The following CCSER1 variants were observed in gnomAD, a reference collection of about 807,000 sequenced individuals.
CCSER1 encodes coiled-coil serine rich protein 1.
A neutral mutation model predicts 82.0 loss-of-function variants in CCSER1; 41 were observed. That is an observed-to-expected ratio of 0.50 (90% CI 0.39 to 0.65). The LOEUF (loss-of-function observed/expected upper bound fraction) is 0.65. CCSER1 is among the 30% of genes least tolerant of loss of function. The probability of loss-of-function intolerance (pLI) is 0.00; values close to 1 mark genes in which losing one functional copy is unlikely to be tolerated. For synonymous variants in CCSER1, 414 were observed against 383.9 expected (o/e 1.08, Z -0.92); for missense variants, 1,119 against 1,064.2 (o/e 1.05, Z -0.72).
chr4:90,755,188 T>C (rs181012637), intron 7 of CCSER1, among the ~76,000 whole-genome samples: 2 of 152,296 alleles, frequency 1.3e-5, no homozygotes, highest in Non-Finnish European at 2.9e-5. Context: ...ATTGGATACT[T>C]TGCTACTCCA....
chr4:90,728,486 C>G (rs1744092814), intron 7 of CCSER1, among the ~76,000 whole-genome samples: 1 of 152,146 alleles, frequency 6.6e-6, no homozygotes, highest in African/African-American at 2.4e-5. Context: ...CACAGAGCCA[C>G]TTTGCTTAAG....
intron 7 of CCSER1, among the ~76,000 whole-genome samples, chr4:90,779,040 C>T (rs1048436973): frequency 2.0e-5 from 3 of 152,166 alleles, no homozygotes; most frequent in African/African-American, 4.8e-5. Flanking sequence ...GTCTTATTTC[C>T]CTCAATGGAT....
intron 9 of CCSER1, among the ~76,000 whole-genome samples, chr4:91,046,937 C>T (rs1561499883): frequency 2.6e-5 from 4 of 151,892 alleles, no homozygotes; most frequent in South Asian, 2.1e-4. Context: ...AAGATGGTCT[C>T]GATCTCCTGA....
chr4:91,491,531 T>C (rs1758541644), intron 10 of CCSER1, among the ~76,000 whole-genome samples: 1 of 152,142 alleles, frequency 6.6e-6, no homozygotes, highest in Non-Finnish European at 1.5e-5. Flanking sequence ...ATTGCAGGAA[T>C]ATATGCTCAA....
At chr4:90,190,796 G>A (rs780331753) in intron 1 of CCSER1, among the ~76,000 whole-genome samples, 5 of 152,168 alleles carry the variant, frequency 3.3e-5, no homozygotes, top group Middle Eastern at 3.4e-3. Flanking sequence ...GATGCTAGGT[G>A]CAGCTGTTAA....
intron 10 of CCSER1, among the ~76,000 whole-genome samples, chr4:91,107,818 C>T (rs3944131): frequency 0.34 from 51,898 of 151,426 alleles, 9,183 homozygotes; most frequent in East Asian, 0.45. Flanking sequence ...TCAGTAATAG[C>T]CCTTCTAGAA....
At chr4:91,026,325 T>C (rs1740487693) in intron 9 of CCSER1, among the ~76,000 whole-genome samples, 1 of 152,116 alleles carries the variant, frequency 6.6e-6, no homozygotes, top group Admixed American at 6.6e-5. Flanking sequence ...TTATGGTTTC[T>C]CCTCACTGAA....
chr4:90,155,014 G>A (rs1578220601), intron 1 of CCSER1, among the ~76,000 whole-genome samples: 1 of 152,192 alleles, frequency 6.6e-6, no homozygotes. Context: ...TTGGCTGTGG[G>A]TTTGTCATAG....
At chr4:91,555,510 G>A (rs1446469519) in intron 10 of CCSER1, among the ~76,000 whole-genome samples, 1 of 150,746 alleles carries the variant, frequency 6.6e-6, no homozygotes, top group Non-Finnish European at 1.5e-5. Context: ...ATTAATTATG[G>A]TCTTATATAC....
intron 10 of CCSER1, among the ~76,000 whole-genome samples, chr4:91,267,874 G>T (rs541639371): frequency 1.3e-5 from 2 of 152,146 alleles, no homozygotes. Context: ...AGAGGAATTT[G>T]TGTTTTTCTT....
chr4:91,116,563 A>C (rs765753712), intron 10 of CCSER1, among the ~76,000 whole-genome samples: 1 of 152,246 alleles, frequency 6.6e-6, no homozygotes, highest in East Asian at 1.9e-4. Flanking sequence ...TCATAGAGTT[A>C]TTATGAGAAT....
intron 1 of CCSER1, among the ~76,000 whole-genome samples, chr4:90,135,339 C>A (rs373863729): frequency 8.5e-5 from 13 of 152,084 alleles, no homozygotes; most frequent in East Asian, 5.8e-4. Flanking sequence ...CAAGACCCCC[C>A]CTTTGAAAAA....
intron 3 of CCSER1, chr4:90,370,368 A>G (rs1226588392): frequency 2.0e-5 from 3 of 152,082 alleles, no homozygotes; most frequent in Non-Finnish European, 4.4e-5. Context: ...CATAAAAAGT[A>G]TGCTGATTTT....
chr4:90,812,402 T>C (rs1312718170), intron 7 of CCSER1, among the ~76,000 whole-genome samples: 5 of 151,862 alleles, frequency 3.3e-5, no homozygotes, highest in African/African-American at 1.2e-4. Flanking sequence ...CAGCATAGAG[T>C]AGTAGAGGCC....
At chr4:90,558,481 G>T (rs564189132) in intron 5 of CCSER1, among the ~76,000 whole-genome samples, 1 of 151,922 alleles carries the variant, frequency 6.6e-6, no homozygotes, top group South Asian at 2.1e-4. Context: ...AACCTATATT[G>T]GTTCATTGGT....
chr4:90,840,371 A>G (rs1387999665), intron 8 of CCSER1, among the ~76,000 whole-genome samples: 2 of 152,182 alleles, frequency 1.3e-5, no homozygotes, highest in African/African-American at 4.8e-5. Flanking sequence ...TGTAATCTTC[A>G]TTTTAGAGAA....
Position 90,673,541 on chromosome 4 carries a change from C to T in CCSER1, c.1932+45309C>T, listed in dbSNP as rs1270719708. ...ACAATAAAATAACTCCTGCCAGTCACAATGAAGGGCAGAAAATACTGTGCC... is the reference window on the plus strand; with the variant it reads ...ACAATAAAATAACTCCTGCCAGTCATAATGAAGGGCAGAAAATACTGTGCC... On this transcript the variant is annotated intron_variant, in intron 6 of 10. Coordinates refer to ENST00000509176, the MANE Select transcript of CCSER1 (RefSeq NM_001145065.2). Among the ~76,000 whole-genome samples, 3 of 151,984 alleles carry T rather than the reference C, an allele frequency of 2.0e-5. No individual in the cohort carries two copies. The East Asian group carries it at 5.8e-4, about 29-fold the overall frequency.
intron 10 of CCSER1, among the ~76,000 whole-genome samples, chr4:91,266,531 G>A (rs550925769): frequency 2.0e-5 from 3 of 152,156 alleles, no homozygotes; most frequent in Non-Finnish European, 2.9e-5. Flanking sequence ...GATTACAGAC[G>A]TGAGCCACAG....
rs1209366941 is a variant in CCSER1 at position 90,903,273 on chromosome 4, G to A, written c.2095-20097G>A. Among the ~76,000 whole-genome samples the A allele has an allele frequency of 4.6e-5, 7 of 152,024 alleles. No individual in the cohort carries two copies. In the East Asian group the frequency reaches 7.8e-4, roughly 17 times the overall value. On this transcript the variant is annotated intron_variant, in intron 8 of 10. Transcript: ENST00000509176. ...GACCAGCCTTTCCCATGCTATTCTC[G>A]TGGTAGTGAATAAGTTTCACAAGAT...
Sources: allele counts gnomAD v4.1 joint callset (sites outside exome capture counted in the v4.1 genomes callset), GRCh38; gene constraint gnomAD v4.1.1; transcripts MANE v1.5; gene names NCBI Gene and HGNC (gene_info 2026-07-23, HGNC 2026-07-21).